RASSF5: variants seen among roughly 807,000 people sequenced by gnomAD.
RASSF5 encodes ras association domain-containing protein 5.
In RASSF5, 25 loss-of-function variants were observed where a neutral mutation model predicts 40.5. The observed-to-expected ratio is 0.62, with a 90% CI of 0.45 to 0.86. The LOEUF (loss-of-function observed/expected upper bound fraction) is 0.86, where lower values mean the gene tolerates loss of function less well. Ranked by LOEUF, RASSF5 falls within the 40% of genes least tolerant of loss-of-function variation. The pLI is 0.00. For synonymous variants in RASSF5, 246 were observed against 252.4 expected (o/e 0.97, Z 0.24); for missense variants, 521 against 572.8 (o/e 0.91, Z 0.92).
At chr1:206,510,316 G>T (rs994735697) in intron 1 of RASSF5, among the ~76,000 whole-genome samples, 9 of 152,092 alleles carry the variant, frequency 5.9e-5, no homozygotes, top group African/African-American at 2.2e-4. Flanking sequence ...CCCTGGGTTT[G>T]AATCCTGACT....
chr1:206,561,396 GT>G (rs1214047082), intron 2 of RASSF5, among the ~76,000 whole-genome samples: 1 of 152,192 alleles, frequency 6.6e-6, no homozygotes, highest in African/African-American at 2.4e-5. Context: ...GCTGGGTCAG[GT>G]TTTGAAAGGT....
rs1666507304 is a variant in RASSF5, at chr1:206,507,984, T to C, written c.382T>C (p.Leu128=). 2.6e-6 allele frequency: 4 copies of C among 1,531,890 alleles called. No homozygotes were observed. Among genetic ancestry groups the C allele is most frequent in the Non-Finnish European group, 3.5e-6 (4 of 1,145,600 alleles). 94.9% of individuals were successfully genotyped at this position (1,531,890 alleles called of 1,614,324 possible). A position where few individuals can be genotyped will look rare whatever the true frequency, so the allele number is the denominator to read the frequency against. Residue 128 remains leucine, a synonymous_variant, in exon 1 of 6, where the codon TTG becomes CTG. Transcript: ENST00000579436. ...ERGEGHCFAE[L]VLPGGPGWCD... is the part of the protein sequence containing the mutation. ...AGGCGAGGGGCACTGCTTCGCCGAGTTGGTGCTGCCGGGCGGCCCCGGCTG... is the reference window on the plus strand; with the variant it reads ...AGGCGAGGGGCACTGCTTCGCCGAGCTGGTGCTGCCGGGCGGCCCCGGCTG...
intron 1 of RASSF5, among the ~76,000 whole-genome samples, chr1:206,509,002 T>C (rs1553394291): frequency 6.6e-6 from 1 of 151,656 alleles, no homozygotes; most frequent in African/African-American, 2.4e-5. Flanking sequence ...CGGCATTTGC[T>C]CTTGCGTGTT....
rs1668118457 is a variant in RASSF5 at position 206,560,844 on chromosome 1, A to G, written c.580-22425A>G. Among the ~76,000 whole-genome samples, 2 of 152,242 alleles carry G rather than the reference A, an allele frequency of 1.3e-5. No homozygotes were observed. The highest frequency in any genetic ancestry group is 4.1e-4 in the South Asian group (2 of 4,832). ...CCCAGGCCAGAGAATTTTCTTCCTT[A>G]GTCCCACAAAAGATAGGGTTTGGTG... is the stretch of plus-strand genomic sequence containing the variant. On this transcript the variant is annotated intron_variant, in intron 2 of 5. Coordinates refer to ENST00000579436, the MANE Select transcript of RASSF5 (RefSeq NM_182663.4). This position sits in a 1 kb window ranked among gnomAD's most constrained non-coding sequence, Gnocchi z 5.1.
intron 1 of RASSF5, chr1:206,529,182 AC>A: frequency 6.8e-7 from 1 of 1,469,910 alleles, no homozygotes. Flanking sequence ...CCAAACAGCT[AC>A]TCAGCTGCTT....
At chr1:206,518,164 A>G (rs1328711832) in intron 1 of RASSF5, among the ~76,000 whole-genome samples, 1 of 152,042 alleles carries the variant, frequency 6.6e-6, no homozygotes. Flanking sequence ...TTATCAAGCT[A>G]AAAGCCCCAG....
At chr1:206,509,596 A>G (rs971017022) in intron 1 of RASSF5, among the ~76,000 whole-genome samples, 2 of 152,210 alleles carry the variant, frequency 1.3e-5, no homozygotes, top group East Asian at 3.8e-4. Context: ...GAGAGGCAGG[A>G]GCCTCACTGA....
chr1:206,570,295 T>C (rs1194616404), intron 2 of RASSF5, among the ~76,000 whole-genome samples: 1 of 152,030 alleles, frequency 6.6e-6, no homozygotes, highest in Non-Finnish European at 1.5e-5. Context: ...GGTTTCACCA[T>C]GTTGGTCAGG....
chr1:206,539,937 C>T (rs782713113), intron 2 of RASSF5, among the ~76,000 whole-genome samples: 7 of 152,170 alleles, frequency 4.6e-5, no homozygotes, highest in South Asian at 2.1e-4. Flanking sequence ...CAGCCCTGCA[C>T]GCCACCCTGG....
chr1:206,533,736 G>C (rs1166089705), intron 1 of RASSF5, among the ~76,000 whole-genome samples: 1 of 151,942 alleles, frequency 6.6e-6, no homozygotes, highest in African/African-American at 2.4e-5. Flanking sequence ...ACCTGGGTGA[G>C]AGAGTGAGAC....
intron 1 of RASSF5, among the ~76,000 whole-genome samples, chr1:206,517,422 T>C (rs1042648349): frequency 5.3e-5 from 8 of 152,106 alleles, no homozygotes; most frequent in African/African-American, 2.4e-5. Flanking sequence ...CAGTGAGCTA[T>C]GATTGGACCA....
rs368124193 is a variant in RASSF5, at chr1:206,508,322, C to CCACACACA, written c.457+289_457+296dup. ...CCTGACAGGTGCGTGCCTTGGCCCT[C>CCACACACA]CACACACACACACACACACACACAC... On this transcript the variant is annotated intron_variant, in intron 1 of 5. Transcript: ENST00000579436. 4.2e-3 allele frequency among the ~76,000 whole-genome samples: 612 copies of CCACACACA among 146,618 alleles called. 3 individuals carry two copies. Among genetic ancestry groups the CCACACACA allele is most frequent in the African/African-American group, 0.014 (565 of 39,904 alleles).
At chr1:206,583,230 A>G in intron 2 of RASSF5, 39 bp from the exon 3 acceptor site, 1 of 1,352,212 alleles carries the variant, frequency 7.4e-7, no homozygotes, top group Non-Finnish European at 1.1e-6. Context: ...CACCCTGAGA[A>G]CTACTACACA....
At chr1:206,583,203 G>A (rs1179193521) in intron 2 of RASSF5, 66 bp from the exon 3 acceptor site, 8 of 1,048,158 alleles carry the variant, frequency 7.6e-6, no homozygotes, top group African/African-American at 3.1e-5. Context: ...TGGGGAGGGC[G>A]TGGTTGTTCC....
In RASSF5 at chr1:206,587,613, TGCCCTG is replaced by T; in HGVS notation, c.*644_*649del. 1 of 155,454 alleles carries T rather than the reference TGCCCTG, an allele frequency of 6.4e-6. No homozygotes were observed. Among genetic ancestry groups the T allele is most frequent in the Middle Eastern group, 3.3e-3 (1 of 306 alleles). The allele number at this position is 155,454 out of a possible 1,614,324, so 9.6% of individuals were successfully genotyped here. A position where few individuals can be genotyped will look rare whatever the true frequency, so the allele number is the denominator to read the frequency against. On this transcript the variant is annotated 3_prime_UTR_variant, in exon 6 of 6. Transcript: ENST00000579436. ...AGAGATCTCCAGAGAAGCTGCAGCC[TGCCCTG>T]GCCCTGGCTCTGGCCCTGGCCCACA...
At chr1:206,523,415 ATT>A (rs1666961493) in intron 1 of RASSF5, among the ~76,000 whole-genome samples, 4 of 116,642 alleles carry the variant, frequency 3.4e-5, no homozygotes, top group African/African-American at 1.3e-4. Flanking sequence ...AATATTATAT[ATT>A]ATATATTATA....
intron 2 of RASSF5, chr1:206,557,593 T>C: frequency 6.2e-7 from 1 of 1,614,220 alleles, no homozygotes; most frequent in Middle Eastern, 1.7e-4. Flanking sequence ...GACAGCAGCA[T>C]GAGCAGTGGG....
At position 206,565,674 on chromosome 1, in the gene RASSF5, T is replaced by G. The variant is rs140361151; in HGVS notation, c.580-17595T>G. Among the ~76,000 whole-genome samples the G allele has an allele frequency of 1.3e-3, 192 of 152,344 alleles. 1 individual carries two copies. Among genetic ancestry groups the G allele is most frequent in the Middle Eastern group, 3.4e-3 (1 of 294 alleles). On this transcript the variant is annotated intron_variant, in intron 2 of 5. Coordinates refer to ENST00000579436, the MANE Select transcript of RASSF5 (RefSeq NM_182663.4). ...CCTAGTGGAAGATGCTCTCAGCAAC[T>G]GCCTTGCAGCCACATGGCCTTTATC...
intron 2 of RASSF5, among the ~76,000 whole-genome samples, chr1:206,547,438 C>T (rs1304891975): frequency 1.3e-5 from 2 of 151,998 alleles, no homozygotes; most frequent in African/African-American, 4.8e-5. Context: ...GTGAACTGCG[C>T]ATGCGAGGGA....
Sources: allele counts gnomAD v4.1 joint callset (sites outside exome capture counted in the v4.1 genomes callset), GRCh38; gene constraint gnomAD v4.1.1; non-coding constraint Gnocchi (gnomAD v3.1); transcripts MANE v1.5; gene names NCBI Gene and HGNC (gene_info 2026-07-23, HGNC 2026-07-21).